PAX2: variants seen among roughly 807,000 people sequenced by gnomAD.
PAX2 encodes paired box 2.
Under a neutral mutation model 41.7 loss-of-function variants are expected in PAX2, and 9 were observed. The ratio of observed to expected loss-of-function variants is 0.22; its 90% CI spans 0.13 to 0.38. PAX2 has a LOEUF of 0.38. PAX2 is among the 10% of genes least tolerant of loss of function. The pLI, the probability that PAX2 is intolerant of heterozygous loss-of-function variation, is 1.00. For missense variants in PAX2, 418 were observed against 531.6 expected (o/e 0.79, Z 2.10); for synonymous variants, 221 against 212.7 (o/e 1.04, Z -0.34).
intron 5 of PAX2, among the ~76,000 whole-genome samples, chr10:100,800,134 A>G (rs1412588756): frequency 2.0e-5 from 3 of 151,940 alleles, no homozygotes; most frequent in African/African-American, 7.3e-5. Flanking sequence ...CAAATACCTC[A>G]TCTTGCTTCC....
At chr10:100,781,504 T>G in intron 5 of PAX2, 139 bp downstream of exon 5, 1 of 903,108 alleles carries the variant, frequency 1.1e-6, no homozygotes, top group Non-Finnish European at 1.8e-6. Flanking sequence ...CCCACTGCCC[T>G]GCTGGCTCCT....
In PAX2 at chr10:100,827,208, C is replaced by T; in HGVS notation, c.1108+113C>T. The T allele has an allele frequency of 1.2e-6, 1 of 851,510 alleles. No individual in the cohort carries two copies. Among genetic ancestry groups the T allele is most frequent in the South Asian group, 1.4e-5 (1 of 72,042 alleles). 52.7% of individuals were successfully genotyped at this position (851,510 alleles called of 1,614,324 possible). A position where few individuals can be genotyped will look rare whatever the true frequency, so the allele number is the denominator to read the frequency against. On this transcript the variant is annotated intron_variant, in intron 9 of 9. Transcript: ENST00000355243. This position sits in a 1 kb window ranked among gnomAD's most constrained non-coding sequence, Gnocchi z 8.5. Reference sequence around the variant, plus strand: ...GACCCGGCCGGGCCAGGGGGACAGGCTTGTTAGTGCAGCACTGAGGCCCGG... The same window carrying T: ...GACCCGGCCGGGCCAGGGGGACAGGTTTGTTAGTGCAGCACTGAGGCCCGG...
chr10:100,736,802 G>C (rs556105726), intron 1 of PAX2, among the ~76,000 whole-genome samples: 1 of 152,212 alleles, frequency 6.6e-6, no homozygotes, highest in South Asian at 2.1e-4. Context: ...CTCTGCACCA[G>C]AGGTTTAAGT....
chr10:100,756,066 A>C (rs180841588), intron 3 of PAX2, among the ~76,000 whole-genome samples: 71 of 152,338 alleles, frequency 4.7e-4, no homozygotes, highest in African/African-American at 1.7e-3. Context: ...TCTGGTGCAC[A>C]TGGGAGAGTG....
intron 3 of PAX2, among the ~76,000 whole-genome samples, chr10:100,764,298 C>T (rs184539978): frequency 0.014 from 2,096 of 152,128 alleles, 30 homozygotes; most frequent in Admixed American, 0.019. Flanking sequence ...CGCCCGCCAC[C>T]ACGCCTGGCT....
chr10:100,754,418 C>T (rs1466756501), intron 3 of PAX2, among the ~76,000 whole-genome samples: 2 of 152,204 alleles, frequency 1.3e-5, no homozygotes, highest in African/African-American at 4.8e-5. Context: ...GCACTCTCTG[C>T]CCCTAGATCT....
At chr10:100,754,116 G>T (rs1845547826) in intron 3 of PAX2, among the ~76,000 whole-genome samples, 1 of 152,224 alleles carries the variant, frequency 6.6e-6, no homozygotes, top group Non-Finnish European at 1.5e-5. Context: ...ACATGGCCTG[G>T]AGAGGGGAGA....
At chr10:100,814,306 C>T (rs955610460) in intron 7 of PAX2, among the ~76,000 whole-genome samples, 8 of 130,048 alleles carry the variant, frequency 6.2e-5, no homozygotes, top group Middle Eastern at 4.5e-3. Context: ...GAGCTGAGAT[C>T]GTGCCACTGC....
intron 5 of PAX2, among the ~76,000 whole-genome samples, 197 bp from the exon 6 acceptor site, chr10:100,806,233 G>A (rs994938969): frequency 6.6e-6 from 1 of 152,102 alleles, no homozygotes; most frequent in African/African-American, 2.4e-5. Flanking sequence ...TCTCTTCCTT[G>A]GGCTTCCTCA....
chr10:100,809,490 T>C (rs1209412693), intron 7 of PAX2, among the ~76,000 whole-genome samples: 1 of 152,248 alleles, frequency 6.6e-6, no homozygotes, highest in Non-Finnish European at 1.5e-5. Flanking sequence ...CTTCCTCCTG[T>C]CCTTCGCCTC....
chr10:100,750,961 G>A lies in PAX2; in HGVS notation c.410+70G>A, dbSNP rs1589813923. 18 of 1,168,514 alleles carry A rather than the reference G, an allele frequency of 1.5e-5. No homozygotes were observed. The East Asian group carries it at 1.9e-4, about 12-fold the overall frequency. 72.4% of individuals were successfully genotyped at this position (1,168,514 alleles called of 1,614,324 possible). A position where few individuals can be genotyped will look rare whatever the true frequency, so the allele number is the denominator to read the frequency against. Reference sequence around the variant, plus strand: ...GCTCCTGCCTGCAGGGGTGTCCCACGCCCAGTCTCTGCTCTTTGTCCAGCC... The same window carrying A: ...GCTCCTGCCTGCAGGGGTGTCCCACACCCAGTCTCTGCTCTTTGTCCAGCC... On this transcript the variant is annotated intron_variant, in intron 3 of 9. Transcript: ENST00000355243. The surrounding 1 kb of genome is among the most constrained non-coding windows in gnomAD (Gnocchi z 4.1).
In PAX2 at chr10:100,750,006, C is replaced by G; in HGVS notation, c.212+92C>G. On this transcript the variant is annotated intron_variant, in intron 2 of 9. Coordinates refer to ENST00000355243, the MANE Select transcript of PAX2 (RefSeq NM_000278.5). The surrounding 1 kb of genome is among the most constrained non-coding windows in gnomAD (Gnocchi z 4.1). ...CTGGAGGACGTGGCTAAAAGTCCAG[C>G]GTGCCAAGCCAGAGAGGGAGATCCC... The G allele has an allele frequency of 7.0e-7, 1 of 1,434,882 alleles. No homozygotes were observed. Among genetic ancestry groups the G allele is most frequent in the African/African-American group, 1.4e-5 (1 of 71,440 alleles). The allele number at this position is 1,434,882 out of a possible 1,614,324, so 88.9% of individuals were successfully genotyped here. A position where few individuals can be genotyped will look rare whatever the true frequency, so the allele number is the denominator to read the frequency against.
intron 5 of PAX2, among the ~76,000 whole-genome samples, chr10:100,789,297 G>C (rs902505591): frequency 6.6e-6 from 1 of 152,126 alleles, no homozygotes; most frequent in Non-Finnish European, 1.5e-5. Flanking sequence ...GTAGAGACAG[G>C]GTTTCACCAT....
intron 7 of PAX2, among the ~76,000 whole-genome samples, chr10:100,810,177 G>A (rs771663656): frequency 3.3e-5 from 5 of 152,142 alleles, no homozygotes; most frequent in Middle Eastern, 3.2e-3. Context: ...GGTGGCCTGC[G>A]GACCCAGCAG....
chr10:100,792,975 G>T (rs535027852), intron 5 of PAX2, among the ~76,000 whole-genome samples: 34 of 152,298 alleles, frequency 2.2e-4, no homozygotes, highest in African/African-American at 7.5e-4. Context: ...CCTGCTTTCC[G>T]CACCAAAGAC....
intron 3 of PAX2, among the ~76,000 whole-genome samples, chr10:100,766,175 A>G (rs532316850): frequency 1.3e-5 from 2 of 152,200 alleles, no homozygotes; most frequent in Admixed American, 6.5e-5. Context: ...CTTATCCCCT[A>G]TGCCATACTT....
chr10:100,764,147 T>A (rs1845935867), intron 3 of PAX2, among the ~76,000 whole-genome samples: 1 of 146,990 alleles, frequency 6.8e-6, no homozygotes, highest in Non-Finnish European at 1.5e-5. Flanking sequence ...TTTTTTTTTT[T>A]TTTTTTTTTT....
exon 1 of PAX2, chr10:100,735,649 C>A (rs1215345272): frequency 9.5e-7 from 1 of 1,058,124 alleles, no homozygotes. Context: ...GTTGTCGGGC[C>A]GCGGAGGAGC....
chr10:100,769,713 T>A (rs1471001493), intron 3 of PAX2, among the ~76,000 whole-genome samples: 2 of 151,452 alleles, frequency 1.3e-5, no homozygotes, highest in Non-Finnish European at 2.9e-5. Context: ...ATTGTTATTA[T>A]TATTAATAAT....
Sources: allele counts gnomAD v4.1 joint callset (sites outside exome capture counted in the v4.1 genomes callset), GRCh38; gene constraint gnomAD v4.1.1; non-coding constraint Gnocchi (gnomAD v3.1); transcripts MANE v1.5; gene names NCBI Gene and HGNC (gene_info 2026-07-23, HGNC 2026-07-21).